The following PRKG1 variants were observed in gnomAD, a reference collection of about 807,000 sequenced individuals.
PRKG1 encodes the protein protein kinase cGMP-dependent 1, also known as cGMP-dependent protein kinase 1.
A neutral mutation model predicts 88.1 loss-of-function variants in PRKG1; 35 were observed. The observed-to-expected ratio is 0.40, with a 90% confidence interval of 0.30 to 0.53. The LOEUF is 0.53. PRKG1 is among the 20% of genes least tolerant of loss of function. The pLI is 0.59. For synonymous variants in PRKG1, 303 were observed against 292.5 expected, an observed-to-expected ratio of 1.04 and a Z score of -0.37; for missense variants, 540 against 839.8, an observed-to-expected ratio of 0.64 and a Z score of 4.41.
At chr10:51,110,492 A>G (rs1479143314) in intron 1 of PRKG1, among the ~76,000 whole-genome samples, 1 of 152,122 alleles carries the variant, frequency 6.6e-6, no homozygotes, top group Non-Finnish European at 1.5e-5. Context: ...ATGCAGACTA[A>G]TCTATGGTGA....
chr10:50,999,655 A>T (rs564603863), intron 1 of PRKG1, among the ~76,000 whole-genome samples: 1 of 152,346 alleles, frequency 6.6e-6, no homozygotes, highest in East Asian at 1.9e-4. Context: ...GGGTCTATTT[A>T]TTCAACTATA....
At chr10:51,726,027 C>G (rs1842122781) in intron 3 of PRKG1, among the ~76,000 whole-genome samples, 1 of 152,200 alleles carries the variant, frequency 6.6e-6, no homozygotes, top group South Asian at 2.1e-4. Flanking sequence ...AATAAACAAA[C>G]AGCTATTCAT....
intron 2 of PRKG1, among the ~76,000 whole-genome samples, chr10:51,386,443 G>T (rs2132638527): frequency 6.6e-6 from 1 of 152,236 alleles, no homozygotes; most frequent in East Asian, 1.9e-4. Context: ...GAGAGCTGAT[G>T]ATCTAAGTTC....
intron 10 of PRKG1, among the ~76,000 whole-genome samples, chr10:52,266,640 C>T (rs746066012): frequency 9.2e-5 from 14 of 151,866 alleles, no homozygotes; most frequent in Non-Finnish European, 2.1e-4. Context: ...GGGTTGCAGT[C>T]GGAACAAAGA....
chr10:51,057,249 C>T (rs1843636927), intron 1 of PRKG1, among the ~76,000 whole-genome samples: 1 of 152,140 alleles, frequency 6.6e-6, no homozygotes, highest in African/African-American at 2.4e-5. Context: ...ATCTAATTAA[C>T]TTTTTATTTT....
intron 3 of PRKG1, among the ~76,000 whole-genome samples, chr10:51,703,560 C>A (rs563384791): frequency 3.3e-5 from 5 of 152,124 alleles, no homozygotes; most frequent in African/African-American, 1.2e-4. Context: ...ATTATATATC[C>A]CCCTTTATCA....
intron 8 of PRKG1, among the ~76,000 whole-genome samples, chr10:52,156,062 T>C (rs1003384286): frequency 2.0e-5 from 3 of 152,008 alleles, no homozygotes; most frequent in Admixed American, 6.6e-5. Context: ...AAGTGTTTGT[T>C]ATTTGAAATC....
chr10:51,216,635 A>G (rs1156368063), intron 2 of PRKG1, among the ~76,000 whole-genome samples: 1 of 152,218 alleles, frequency 6.6e-6, no homozygotes, highest in Admixed American at 6.5e-5. Flanking sequence ...TGCTGTCATC[A>G]TCATTTTCAA....
At chr10:51,103,643 A>G (rs1844741615) in intron 1 of PRKG1, among the ~76,000 whole-genome samples, 1 of 152,126 alleles carries the variant, frequency 6.6e-6, no homozygotes, top group Admixed American at 6.5e-5. Flanking sequence ...AGAAAGTGGG[A>G]TCCGGATGAG....
chr10:51,137,857 G>A (rs949212486), intron 1 of PRKG1, among the ~76,000 whole-genome samples: 1 of 152,188 alleles, frequency 6.6e-6, no homozygotes, highest in Non-Finnish European at 1.5e-5. Flanking sequence ...AGTGATAACT[G>A]AAGCCTGAAA....
intron 9 of PRKG1, among the ~76,000 whole-genome samples, chr10:52,249,305 T>A (rs1841112561): frequency 6.6e-6 from 1 of 151,384 alleles, no homozygotes; most frequent in African/African-American, 2.4e-5. Context: ...CCCAAAAATC[T>A]TGTGTGACTT....
At chr10:52,263,884 C>T (rs571227969) in intron 10 of PRKG1, among the ~76,000 whole-genome samples, 21 of 152,158 alleles carry the variant, frequency 1.4e-4, no homozygotes, top group East Asian at 7.8e-4. Context: ...CATCTACTTT[C>T]TATCTCTCAA....
chr10:52,109,288 TC>T (rs953297555), intron 7 of PRKG1, among the ~76,000 whole-genome samples: 8 of 152,150 alleles, frequency 5.3e-5, no homozygotes, highest in Admixed American at 6.5e-5. Flanking sequence ...TATACTTTCT[TC>T]CCCCTACTTA....
chr10:51,668,726 A>G (rs1391655875), intron 3 of PRKG1, among the ~76,000 whole-genome samples: 1 of 150,298 alleles, frequency 6.7e-6, no homozygotes, highest in Non-Finnish European at 1.5e-5. Context: ...TGTGTTTTAG[A>G]AAAAAAAAAT....
chr10:51,673,265 T>A (rs1564600820), intron 3 of PRKG1, among the ~76,000 whole-genome samples: 1 of 152,032 alleles, frequency 6.6e-6, no homozygotes, highest in Non-Finnish European at 1.5e-5. Context: ...GAAGAAAAAT[T>A]AAGTGAAAAG....
chr10:51,111,635 C>T lies in PRKG1; in HGVS notation c.311+36734C>T, dbSNP rs183133688. 8.1e-4 allele frequency among the ~76,000 whole-genome samples: 124 copies of T among 152,242 alleles called. 1 individual carries two copies. Among genetic ancestry groups the T allele is most frequent in the Non-Finnish European group, 1.1e-3 (73 of 67,986 alleles). ...GGGAGCCTTCACAGTTGGGCAATAG[C>T]AGGATGCAGGATGCTTATAAGAGTT... is the stretch of plus-strand genomic sequence containing the variant. On this transcript the variant is annotated intron_variant, in intron 1 of 17. Coordinates refer to ENST00000373980, the MANE Select transcript of PRKG1 (RefSeq NM_006258.4).
At chr10:51,764,260 G>A (rs1257723565) in intron 3 of PRKG1, among the ~76,000 whole-genome samples, 1 of 152,080 alleles carries the variant, frequency 6.6e-6, no homozygotes, top group African/African-American at 2.4e-5. Flanking sequence ...TTTTTACTGG[G>A]TTAGGCAAAC....
At chr10:51,374,512 A>T (rs1282175399) in intron 2 of PRKG1, among the ~76,000 whole-genome samples, 1 of 151,762 alleles carries the variant, frequency 6.6e-6, no homozygotes, top group African/African-American at 2.4e-5. Context: ...GGTCTTGAGG[A>T]CTCCTCCCAC....
At chr10:51,345,733 T>C (rs1588865345) in intron 2 of PRKG1, among the ~76,000 whole-genome samples, 1 of 152,320 alleles carries the variant, frequency 6.6e-6, no homozygotes, top group East Asian at 1.9e-4. Flanking sequence ...TTGTTCATTT[T>C]TCATTTATTT....
Sources: allele counts gnomAD v4.1 joint callset (sites outside exome capture counted in the v4.1 genomes callset), GRCh38; gene constraint gnomAD v4.1.1; transcripts MANE v1.5; gene names NCBI Gene and HGNC (gene_info 2026-07-23, HGNC 2026-07-21).